The following USP42 variants were observed in gnomAD, a reference collection of about 807,000 sequenced individuals.
USP42 encodes the protein ubiquitin carboxyl-terminal hydrolase 42.
In USP42, 23 loss-of-function variants were observed where a neutral mutation model predicts 113.0. The ratio of observed to expected loss-of-function variants is 0.20; its 90% CI spans 0.15 to 0.29. The LOEUF (loss-of-function observed/expected upper bound fraction) is 0.29. Ranked by LOEUF, USP42 falls within the 10% of genes least tolerant of loss-of-function variation. USP42 has a pLI of 1.00. For missense variants in USP42, 2,174 were observed against 1,779.8 expected (o/e 1.22, Z -3.99); for synonymous variants, 933 against 699.0 (o/e 1.33, Z -5.28).
rs576559500 is a variant in USP42 at position 6,112,984 on chromosome 7, A to G, written c.241+1610A>G. Among the ~76,000 whole-genome samples, 4 of 149,902 alleles carry G rather than the reference A, an allele frequency of 2.7e-5. No homozygotes were observed. The East Asian group carries it at 7.9e-4, about 29-fold the overall frequency. On this transcript the variant is annotated intron_variant, in intron 2 of 17. Transcript: ENST00000306177. Reference sequence around the variant, plus strand: ...AGTGGCGCGATCTCGGCTCACTGCAATCTCTGCCTGCTGGGTTCAAGCAAT... The same window carrying G: ...AGTGGCGCGATCTCGGCTCACTGCAGTCTCTGCCTGCTGGGTTCAAGCAAT...
intron 11 of USP42, among the ~76,000 whole-genome samples, chr7:6,146,961 C>G (rs1409080550): frequency 6.6e-6 from 1 of 152,256 alleles, no homozygotes; most frequent in Non-Finnish European, 1.5e-5. Flanking sequence ...CAGGCCAAGG[C>G]CAGCACCCGC....
At chr7:6,144,043 A>C in intron 8 of USP42, 42 bp from the exon 9 acceptor site, 1 of 1,268,444 alleles carries the variant, frequency 7.9e-7, no homozygotes, top group Non-Finnish European at 1.1e-6. Flanking sequence ...AATTGTGTGT[A>C]TATATTCGTC....
intron 2 of USP42, among the ~76,000 whole-genome samples, chr7:6,114,726 T>A (rs1327563981): frequency 2.3e-5 from 3 of 132,534 alleles, no homozygotes; most frequent in African/African-American, 5.7e-5. Context: ...TCTCTCGCTC[T>A]GTCTCCCAGG....
At chr7:6,112,112 T>C (rs918638573) in intron 2 of USP42, among the ~76,000 whole-genome samples, 3 of 152,188 alleles carry the variant, frequency 2.0e-5, no homozygotes, top group Admixed American at 1.3e-4. Flanking sequence ...TTTTGTTTTT[T>C]TCCTGGCAGT....
chr7:6,100,966 C>T (rs1790109240), upstream of USP42, among the ~76,000 whole-genome samples: 2 of 151,030 alleles, frequency 1.3e-5, no homozygotes, highest in South Asian at 4.1e-4. Flanking sequence ...CTGAGCCTGG[C>T]TGGTACCCAC....
rs1022516416 is a variant in USP42, at chr7:6,154,554, C to G, written c.3000C>G (p.Pro1000=). ...RQDRHAPEHH[P]GHGDRLSPGE... ...ACCGCCACGCCCCGGAGCACCACCC[C>G]GGCCACGGCGACAGGCTCAGCCCTG... The change falls in exon 15 of 18, where the codon CCC becomes CCG. Residue 1000 remains proline, a synonymous_variant. Transcript: ENST00000306177. 10 of 1,548,282 alleles carry G rather than the reference C, an allele frequency of 6.5e-6. No homozygotes were observed. Among genetic ancestry groups the G allele is most frequent in the African/African-American group, 1.4e-5 (1 of 72,514 alleles).
chr7:6,091,677 GCATA>G, the USP42 span, among the ~76,000 whole-genome samples: 17 of 52,574 alleles, frequency 3.2e-4, no homozygotes, highest in Non-Finnish European at 7.7e-4. Flanking sequence ...CATTATGTTA[GCATA>G]CACACACACA....
At position 6,139,699 on chromosome 7, in the gene USP42, C is replaced by CGGTGGGCG; in HGVS notation, c.657-429_657-428insGGTGGGCG. 1 of 242,824 alleles carries CGGTGGGCG rather than the reference C, an allele frequency of 4.1e-6. No individual in the cohort carries two copies. Among genetic ancestry groups the CGGTGGGCG allele is most frequent in the South Asian group, 5.5e-5 (1 of 18,330 alleles). The allele number at this position is 242,824 out of a possible 1,614,324, so 15.0% of individuals were successfully genotyped here. A position where few individuals can be genotyped will look rare whatever the true frequency, so the allele number is the denominator to read the frequency against. On this transcript the variant is annotated intron_variant, in intron 5 of 17. Coordinates refer to ENST00000306177, the MANE Select transcript of USP42 (RefSeq NM_032172.3). The surrounding 1 kb of genome is among the most constrained non-coding windows in gnomAD (Gnocchi z 4.5). ...GCTGTCTGAGACACCTGGTAGATCTCCCTCTGCATTCTCCCTGCCCTGGCA... is the reference window on the plus strand; with the variant it reads ...GCTGTCTGAGACACCTGGTAGATCTCGGTGGGCGCCTCTGCATTCTCCCTGCCCTGGCA...
At chr7:6,091,978 TTTCTTCTTCTTCTTCTTCTTC>T in the USP42 span, among the ~76,000 whole-genome samples, 37 of 67,920 alleles carry the variant, frequency 5.4e-4, no homozygotes, top group South Asian at 2.6e-3. Flanking sequence ...GGACGTATTT[TTTCTTCTTCTTCTTCTTCTTC>T]TTCTTCTTCT....
At chr7:6,089,269 A>T in the USP42 span, among the ~76,000 whole-genome samples, 1 of 142,912 alleles carries the variant, frequency 7.0e-6, no homozygotes, top group Non-Finnish European at 1.5e-5. Context: ...GGCCAGGTTC[A>T]TCTTGAACTC....
chr7:6,146,078 A>G lies in USP42; in HGVS notation c.1132-70A>G, dbSNP rs79208072. The G allele has an allele frequency of 8.4e-4, 1,021 of 1,212,334 alleles. 7 individuals are homozygous for G. In the African/African-American group the frequency reaches 0.014, roughly 17 times the overall value. The allele number at this position is 1,212,334 out of a possible 1,614,324, so 75.1% of individuals were successfully genotyped here. A position where few individuals can be genotyped will look rare whatever the true frequency, so the allele number is the denominator to read the frequency against. On this transcript the variant is annotated intron_variant, in intron 10 of 17. Transcript: ENST00000306177. ...CTCCATCTCAAAAAAAAAGAAAGAAATATTTCTCTTGACTATGTTCCATGT... is the reference window on the plus strand; with the variant it reads ...CTCCATCTCAAAAAAAAAGAAAGAAGTATTTCTCTTGACTATGTTCCATGT...
At chr7:6,098,590 C>T in the USP42 span, among the ~76,000 whole-genome samples, 10 of 150,264 alleles carry the variant, frequency 6.7e-5, no homozygotes, top group East Asian at 1.9e-4. Context: ...TCTTAACTGT[C>T]GCCCAGGCTG....
At chr7:6,121,317 C>G (rs1308365124) in intron 3 of USP42, among the ~76,000 whole-genome samples, 1 of 152,164 alleles carries the variant, frequency 6.6e-6, no homozygotes, top group Admixed American at 6.5e-5. Context: ...TTGTTTGATG[C>G]TTGAATGTTA....
chr7:6,155,704 C>A (rs1171652901), intron 15 of USP42, among the ~76,000 whole-genome samples: 1 of 152,166 alleles, frequency 6.6e-6, no homozygotes, highest in East Asian at 1.9e-4. Context: ...GTTTCCTCGG[C>A]CTTTGTTTTT....
chr7:6,130,890 T>C lies in USP42; in HGVS notation c.443-4951T>C, dbSNP rs559544834. 9.2e-5 allele frequency among the ~76,000 whole-genome samples: 14 copies of C among 152,120 alleles called. 1 individual carries two copies. The South Asian group carries it at 2.3e-3, about 25-fold the overall frequency. On this transcript the variant is annotated intron_variant, in intron 3 of 17. Coordinates refer to ENST00000306177, the MANE Select transcript of USP42 (RefSeq NM_032172.3). ...AAGGCATTATTGGCCAGAGCCTTCG[T>C]TGAGGTTTCCGTGGGAAAAGCAGGG...
At chr7:6,089,378 CT>C in the USP42 span, among the ~76,000 whole-genome samples, 1 of 150,456 alleles carries the variant, frequency 6.6e-6, no homozygotes, top group Admixed American at 6.6e-5. Flanking sequence ...TTGGCTACCC[CT>C]GGGAGGGGGA....
chr7:6,150,378 G>T (rs201264431), intron 13 of USP42, 34 bp from the exon 14 acceptor site: 17 of 1,612,278 alleles, frequency 1.1e-5, no homozygotes, highest in Non-Finnish European at 1.4e-5. Context: ...TGGAGCTGGC[G>T]ACTGAAGCTG....
At chr7:6,147,617 TA>T in intron 11 of USP42, 121 bp from the exon 12 acceptor site, 1 of 1,162,062 alleles carries the variant, frequency 8.6e-7, no homozygotes, top group Non-Finnish European at 1.2e-6. Flanking sequence ...CTGTGTAGCA[TA>T]AACATGCTAT....
intron 3 of USP42, among the ~76,000 whole-genome samples, chr7:6,134,588 G>C (rs1781026333): frequency 6.6e-6 from 1 of 152,162 alleles, no homozygotes; most frequent in Non-Finnish European, 1.5e-5. Context: ...TCTTTGCTGG[G>C]AGGGGCTGTC....
Sources: allele counts gnomAD v4.1 joint callset (sites outside exome capture counted in the v4.1 genomes callset), GRCh38; gene constraint gnomAD v4.1.1; non-coding constraint Gnocchi (gnomAD v3.1); transcripts MANE v1.5; gene names NCBI Gene and HGNC (gene_info 2026-07-23, HGNC 2026-07-21).